Variants in EPB41 observed in about 807,000 individuals in gnomAD.
The protein encoded by EPB41 is erythrocyte membrane protein band 4.1.
EPB41 carries 65 observed loss-of-function variants against 108.0 expected under a neutral mutation model. The observed-to-expected ratio is 0.60, with a 90% CI of 0.49 to 0.74. The LOEUF is 0.74. Ranked by LOEUF, EPB41 falls within the 30% of genes least tolerant of loss-of-function variation. EPB41 has a pLI of 0.00. For synonymous variants in EPB41, 336 were observed against 358.9 expected (o/e 0.94, Z 0.72); for missense variants, 875 against 1,037.0 (o/e 0.84, Z 2.15).
chr1:28,892,093 CAAAAAAA>C (rs748788169), intron 1 of EPB41, among the ~76,000 whole-genome samples: 2 of 69,810 alleles, frequency 2.9e-5, no homozygotes, highest in African/African-American at 6.0e-5. Flanking sequence ...GACTGCATCT[CAAAAAAA>C]AAAAAAAAAA....
intron 16 of EPB41, among the ~76,000 whole-genome samples, chr1:29,078,405 A>G (rs1353346537): frequency 3.3e-5 from 5 of 152,194 alleles, no homozygotes; most frequent in Admixed American, 3.3e-4. Flanking sequence ...TTAGAAATGG[A>G]AAACAAAAGA....
chr1:29,074,407 A>C (rs1027350011), intron 16 of EPB41, among the ~76,000 whole-genome samples: 2 of 152,188 alleles, frequency 1.3e-5, no homozygotes, highest in Non-Finnish European at 2.9e-5. Context: ...ACAACTTCTT[A>C]TTAATCTGTT....
chr1:29,035,579 G>GA lies in EPB41; in HGVS notation c.1366-233dup, dbSNP rs796270560. 0.09 allele frequency among the ~76,000 whole-genome samples: 11,953 copies of GA among 132,598 alleles called. 498 individuals are homozygous for GA. Among genetic ancestry groups the GA allele is most frequent in the African/African-American group, 0.13 (4,704 of 36,434 alleles). 87.0% of individuals were successfully genotyped at this position (132,598 alleles called of 152,430 possible). A position where few individuals can be genotyped will look rare whatever the true frequency, so the allele number is the denominator to read the frequency against. The stretch of plus-strand genomic sequence containing the variant: ...ATAATGAATGTGTGTGTGTTTTCTG[G>GA]AAAAAAAAAAAAAAGCTTAAATTAT... On this transcript the variant is annotated intron_variant, in intron 9 of 20. Transcript: ENST00000343067.
chr1:28,889,886 C>T (rs2089919623), intron 1 of EPB41: 1 of 970,178 alleles, frequency 1.0e-6, no homozygotes, highest in Non-Finnish European at 1.2e-6. Context: ...TCACAGAGGG[C>T]TCACCACAGA....
chr1:28,930,739 C>G (rs1483925787), intron 1 of EPB41, among the ~76,000 whole-genome samples: 1 of 152,188 alleles, frequency 6.6e-6, no homozygotes, highest in East Asian at 1.9e-4. Context: ...CCCGCCTCAG[C>G]CTCCCAAAGT....
intron 2 of EPB41, among the ~76,000 whole-genome samples, chr1:28,992,594 C>G (rs1320190928): frequency 2.0e-5 from 3 of 152,148 alleles, no homozygotes; most frequent in South Asian, 4.1e-4. Context: ...GAGGCCCAGG[C>G]AGGAGAATCG....
intron 17 of EPB41, among the ~76,000 whole-genome samples, chr1:29,099,509 T>C (rs1252643750): frequency 6.6e-6 from 1 of 152,042 alleles, no homozygotes; most frequent in Non-Finnish European, 1.5e-5. Flanking sequence ...GTAGTGACGA[T>C]ATTTTACCAT....
chr1:29,034,899 G>A (rs933504660), intron 9 of EPB41, among the ~76,000 whole-genome samples: 11 of 150,902 alleles, frequency 7.3e-5, no homozygotes, highest in African/African-American at 2.7e-4. Flanking sequence ...AGTGTGTCAG[G>A]TAATACATAT....
At chr1:28,992,494 C>T (rs59136847) in intron 2 of EPB41, among the ~76,000 whole-genome samples, 19,315 of 152,140 alleles carry the variant, frequency 0.13, 1,514 homozygotes, top group East Asian at 0.38. Context: ...CAAAACCATC[C>T]TGGCTAACGT....
At chr1:28,979,749 G>C (rs1322388047) in intron 1 of EPB41, among the ~76,000 whole-genome samples, 1 of 150,542 alleles carries the variant, frequency 6.6e-6, no homozygotes, top group Non-Finnish European at 1.5e-5. Context: ...TACAATTCAT[G>C]CCCCCATTGA....
At chr1:29,116,244 C>T (rs781688659) in intron 20 of EPB41, among the ~76,000 whole-genome samples, 6 of 151,654 alleles carry the variant, frequency 4.0e-5, no homozygotes, top group Non-Finnish European at 5.9e-5. Context: ...CTCCGCCTCC[C>T]GGGTTCAAGG....
intron 1 of EPB41, among the ~76,000 whole-genome samples, chr1:28,923,502 A>C (rs2093262863): frequency 6.6e-6 from 1 of 152,140 alleles, no homozygotes; most frequent in Non-Finnish European, 1.5e-5. Flanking sequence ...TCTTTTATTA[A>C]GTGCCATTCC....
At chr1:29,081,671 A>G (rs1422669687) in intron 16 of EPB41, among the ~76,000 whole-genome samples, 1 of 152,102 alleles carries the variant, frequency 6.6e-6, no homozygotes, top group African/African-American at 2.4e-5. Context: ...CCCTGTCTCT[A>G]CTAAAAATAC....
At chr1:29,026,415 C>A (rs2096719922) in intron 7 of EPB41, among the ~76,000 whole-genome samples, 1 of 152,176 alleles carries the variant, frequency 6.6e-6, no homozygotes, top group African/African-American at 2.4e-5. Context: ...AAGGTAGATA[C>A]ATACACAGAT....
At chr1:28,926,284 G>C (rs2093440333) in intron 1 of EPB41, among the ~76,000 whole-genome samples, 1 of 151,958 alleles carries the variant, frequency 6.6e-6, no homozygotes, top group Non-Finnish European at 1.5e-5. Context: ...CTGTAATGTA[G>C]GTATGATACA....
At chr1:28,971,649 A>G (rs190306231) in intron 1 of EPB41, among the ~76,000 whole-genome samples, 45 of 152,358 alleles carry the variant, frequency 3.0e-4, no homozygotes, top group African/African-American at 1.1e-3. Context: ...ATGAGCAAAT[A>G]GGAAACCTAA....
intron 16 of EPB41, chr1:29,070,774 G>GTATGT: frequency 9.0e-7 from 1 of 1,110,018 alleles, no homozygotes; most frequent in Non-Finnish European, 1.1e-6. Flanking sequence ...TCTTTGTAGA[G>GTATGT]TATGTATTGT....
rs897197312 is a variant in EPB41, at chr1:28,937,317, A to G, written c.-8+22549A>G. Among the ~76,000 whole-genome samples the G allele has an allele frequency of 5.3e-5, 8 of 152,208 alleles. No homozygotes were observed. The East Asian group carries it at 1.5e-3, about 29-fold the overall frequency. Reference sequence around the variant, plus strand: ...TCCATAGACTAAACCTTTATCAGGCATATAATTTGCAAATTTCTCCTGTTG... The same window carrying G: ...TCCATAGACTAAACCTTTATCAGGCGTATAATTTGCAAATTTCTCCTGTTG... On this transcript the variant is annotated intron_variant, in intron 1 of 20. Coordinates refer to ENST00000343067, the MANE Select transcript of EPB41 (RefSeq NM_001376013.1).
intron 11 of EPB41, among the ~76,000 whole-genome samples, chr1:29,041,883 CAAAG>C (rs1641678926): frequency 6.6e-6 from 1 of 152,120 alleles, no homozygotes; most frequent in African/African-American, 2.4e-5. Context: ...CATACTACCT[CAAAG>C]AGTTTTCATG....
Sources: allele counts gnomAD v4.1 joint callset (sites outside exome capture counted in the v4.1 genomes callset), GRCh38; gene constraint gnomAD v4.1.1; transcripts MANE v1.5; gene names NCBI Gene and HGNC (gene_info 2026-07-23, HGNC 2026-07-21).